The following ATXN8OS variants were observed in gnomAD, a reference collection of about 807,000 sequenced individuals.
ATXN8OS encodes ATXN8 opposite strand lncRNA.
At chr13:70,169,359 C>T (rs1031886561) in intron 4 of ATXN8OS, among the ~76,000 whole-genome samples, 6 of 152,062 alleles carry the variant, frequency 3.9e-5, no homozygotes, top group Admixed American at 2.0e-4. Flanking sequence ...TGCAATGGCA[C>T]GATCTTGGCT....
chr13:70,143,069 A>G (rs2137493801), intron 3 of ATXN8OS, among the ~76,000 whole-genome samples: 1 of 151,666 alleles, frequency 6.6e-6, no homozygotes, highest in African/African-American at 2.4e-5. Context: ...CTCCGTCTAA[A>G]AAAAAAAAAA....
rs532717312 is a variant in ATXN8OS at position 70,160,750 on chromosome 13, ATT to A, written n.574-9000_574-8999del. The stretch of plus-strand genomic sequence containing the variant: ...TATATTTATATAATTTTTATATATA[ATT>A]TTATATTTATATAATATGTAAATAT... On this transcript the variant is annotated intron_variant and non_coding_transcript_variant, in intron 4 of 4. Coordinates refer to ENST00000678624, the Ensembl canonical transcript of ATXN8OS. Among the ~76,000 whole-genome samples, 2 of 37,292 alleles carry A rather than the reference ATT, an allele frequency of 5.4e-5. 1 individual carries two copies. The highest frequency in any genetic ancestry group is 1.5e-4 in the Non-Finnish European group (2 of 12,946). 24.5% of individuals were successfully genotyped at this position (37,292 alleles called of 152,430 possible). A position where few individuals can be genotyped will look rare whatever the true frequency, so the allele number is the denominator to read the frequency against.
intron 4 of ATXN8OS, among the ~76,000 whole-genome samples, chr13:70,147,994 C>T (rs1888810374): frequency 6.6e-6 from 1 of 152,092 alleles, no homozygotes; most frequent in African/African-American, 2.4e-5. Flanking sequence ...TTCTGATTGG[C>T]AGTTGGTTGA....
At chr13:70,169,346 G>T (rs540088890) in intron 4 of ATXN8OS, among the ~76,000 whole-genome samples, 12 of 152,082 alleles carry the variant, frequency 7.9e-5, no homozygotes, top group Admixed American at 2.0e-4. Flanking sequence ...ACCCAGGCTG[G>T]AGTGCAATGG....
chr13:70,146,674 A>G (rs1365871066), intron 3 of ATXN8OS, among the ~76,000 whole-genome samples: 1 of 151,524 alleles, frequency 6.6e-6, no homozygotes, highest in Non-Finnish European at 1.5e-5. Context: ...ACAAAAAACC[A>G]AACACTGCAT....
chr13:70,117,688 T>C (rs750706891), intron 2 of ATXN8OS, among the ~76,000 whole-genome samples: 51 of 152,102 alleles, frequency 3.4e-4, no homozygotes, highest in Non-Finnish European at 7.2e-4. Context: ...GCAAAGTACT[T>C]AATTTCTTTG....
chr13:70,127,671 T>A (rs1888460015), intron 2 of ATXN8OS, among the ~76,000 whole-genome samples: 1 of 151,582 alleles, frequency 6.6e-6, no homozygotes, highest in Non-Finnish European at 1.5e-5. Context: ...AACAAACATT[T>A]TTTTTTTTCT....
At chr13:70,150,723 T>C (rs1370738800) in intron 4 of ATXN8OS, among the ~76,000 whole-genome samples, 2 of 152,116 alleles carry the variant, frequency 1.3e-5, no homozygotes, top group Non-Finnish European at 2.9e-5. Flanking sequence ...GTGATTCCTC[T>C]TTGAGCTCAC....
At chr13:70,133,384 A>T (rs1248409273) in intron 3 of ATXN8OS, among the ~76,000 whole-genome samples, 6 of 152,180 alleles carry the variant, frequency 3.9e-5, no homozygotes, top group African/African-American at 1.4e-4. Flanking sequence ...CATGCCCCTT[A>T]AACAGTGAAA....
chr13:70,132,404 G>T (rs1026693112), intron 3 of ATXN8OS, among the ~76,000 whole-genome samples: 3 of 151,086 alleles, frequency 2.0e-5, no homozygotes, highest in Non-Finnish European at 4.4e-5. Flanking sequence ...TGCTTATAAG[G>T]GAGAGCTAAA....
intron 3 of ATXN8OS, among the ~76,000 whole-genome samples, chr13:70,130,295 A>ATAGGTCTT (rs1476780539): frequency 6.6e-6 from 1 of 151,812 alleles, no homozygotes; most frequent in East Asian, 1.9e-4. Context: ...TTAAAAACAA[A>ATAGGTCTT]TAGGTCTTTA....
chr13:70,133,050 A>G (rs924476748), intron 3 of ATXN8OS, among the ~76,000 whole-genome samples: 9 of 152,114 alleles, frequency 5.9e-5, no homozygotes, highest in African/African-American at 2.2e-4. Context: ...TCAGTAATCA[A>G]TCACCTAGTT....
chr13:70,134,373 C>T (rs2739854), intron 3 of ATXN8OS, among the ~76,000 whole-genome samples: 1 of 152,138 alleles, frequency 6.6e-6, no homozygotes, highest in Non-Finnish European at 1.5e-5. Flanking sequence ...ACATTGATGC[C>T]TCAGCATTAT....
intron 2 of ATXN8OS, among the ~76,000 whole-genome samples, chr13:70,123,354 G>T (rs934071058): frequency 1.3e-5 from 2 of 152,084 alleles, no homozygotes; most frequent in Non-Finnish European, 2.9e-5. Flanking sequence ...GATTTATGTT[G>T]TCAAAATCTT....
chr13:70,121,926 T>C (rs1397121564), intron 2 of ATXN8OS, among the ~76,000 whole-genome samples: 5 of 152,040 alleles, frequency 3.3e-5, no homozygotes, highest in African/African-American at 9.7e-5. Flanking sequence ...TTTTGTGGGA[T>C]GAAGTAAATT....
intron 3 of ATXN8OS, chr13:70,139,380 A>ACTG (rs752810956): frequency 0.028 from 15,844 of 575,168 alleles, 121 homozygotes; most frequent in East Asian, 0.049. Flanking sequence ...TACTACTACT[A>ACTG]CTACTGCTGC....
At chr13:70,162,834 GC>G in intron 4 of ATXN8OS, among the ~76,000 whole-genome samples, 1 of 152,094 alleles carries the variant, frequency 6.6e-6, no homozygotes, top group Admixed American at 6.6e-5. Flanking sequence ...TCAGTAGCCT[GC>G]AAATTACACT....
chr13:70,126,349 A>G (rs780122868), intron 2 of ATXN8OS, among the ~76,000 whole-genome samples: 4 of 152,180 alleles, frequency 2.6e-5, no homozygotes, highest in African/African-American at 9.7e-5. Context: ...CTAAACATAT[A>G]TATTTCCTCT....
chr13:70,121,523 A>AT (rs920889014), intron 2 of ATXN8OS, among the ~76,000 whole-genome samples: 2 of 151,892 alleles, frequency 1.3e-5, no homozygotes, highest in Non-Finnish European at 2.9e-5. Flanking sequence ...ATCCGGAAAT[A>AT]TTTTTTTTCT....
Sources: allele counts gnomAD v4.1 joint callset (sites outside exome capture counted in the v4.1 genomes callset), GRCh38; gene constraint gnomAD v4.1.1; transcripts MANE v1.5; gene names NCBI Gene and HGNC (gene_info 2026-07-23, HGNC 2026-07-21).